The following NIPAL2 variants were observed in gnomAD, a reference collection of about 807,000 sequenced individuals.
NIPAL2 encodes the protein NIPA-like protein 2.
In NIPAL2, 43 loss-of-function variants were observed where a neutral mutation model predicts 48.9. That is an observed-to-expected ratio of 0.88 (90% CI 0.69 to 1.13). The LOEUF (loss-of-function observed/expected upper bound fraction) is 1.13, where lower values mean the gene tolerates loss of function less well. Among genes scored for constraint, NIPAL2 ranks in the 50% most tolerant of loss-of-function variants. The pLI, the probability that NIPAL2 is intolerant of heterozygous loss-of-function variation, is 0.00. For synonymous variants in NIPAL2, 167 were observed against 174.6 expected (o/e 0.96, Z 0.34); for missense variants, 446 against 461.4 (o/e 0.97, Z 0.31).
chr8:98,216,201 G>A (rs1811564899), intron 5 of NIPAL2, among the ~76,000 whole-genome samples: 1 of 152,196 alleles, frequency 6.6e-6, no homozygotes, highest in Non-Finnish European at 1.5e-5. Flanking sequence ...ATTGAGTGAG[G>A]TGTATTGGCC....
rs574541156 is a variant in NIPAL2 at position 98,200,010 on chromosome 8, GTGGCGTGATTATAGCTTAC to G, written c.880+3079_880+3097del. 2.6e-3 allele frequency among the ~76,000 whole-genome samples: 389 copies of G among 152,146 alleles called. 1 individual carries two copies. The highest frequency in any genetic ancestry group is 8.9e-3 in the African/African-American group (369 of 41,498). Reference sequence around the variant, plus strand: ...GCTCCGTCACCCAGGCTGGAGAGTAGTGGCGTGATTATAGCTTACTGTAACCTTGAACTTCTAGGTCAAA... The same window carrying G: ...GCTCCGTCACCCAGGCTGGAGAGTAGTGTAACCTTGAACTTCTAGGTCAAA... On this transcript the variant is annotated intron_variant, in intron 8 of 10. Transcript: ENST00000430223.
In NIPAL2 at chr8:98,191,481, G is replaced by GC. The variant is rs78526214; in HGVS notation, c.*1496dup. 63,142 of 151,952 alleles carry GC rather than the reference G, an allele frequency of 0.42. 13,815 individuals are homozygous for GC. Among genetic ancestry groups the GC allele is most frequent in the East Asian group, 0.59 (3,054 of 5,158 alleles). The allele number at this position is 151,952 out of a possible 1,614,324, so 9.4% of individuals were successfully genotyped here. ...TCAATTCAAATCTCTTTCCTTTGCA[G>GC]CCAGGTTTGGTCAGTCTGGCCAGGA... On this transcript the variant is annotated 3_prime_UTR_variant, in exon 11 of 11. Transcript: ENST00000430223.
intron 8 of NIPAL2, among the ~76,000 whole-genome samples, chr8:98,201,772 A>G (rs1563483594): frequency 6.6e-5 from 10 of 152,246 alleles, no homozygotes; most frequent in Admixed American, 6.5e-4. Context: ...ATACTAAAAA[A>G]TTAGATGTCA....
chr8:98,217,165 C>T, intron 5 of NIPAL2: 5 of 985,466 alleles, frequency 5.1e-6, no homozygotes, highest in Non-Finnish European at 6.0e-6. Context: ...GGCTGGTATA[C>T]ACTGGGCTTC....
chr8:98,288,244 T>G (rs1242203588), intron 1 of NIPAL2, among the ~76,000 whole-genome samples: 1 of 139,562 alleles, frequency 7.2e-6, no homozygotes, highest in Admixed American at 7.9e-5. Context: ...CCTGTGTCCA[T>G]GTGATCTCAT....
At position 98,252,485 on chromosome 8, in the gene NIPAL2, C is replaced by T. The variant is rs763533937; in HGVS notation, c.354G>A (p.Pro118=). The T allele has an allele frequency of 9.9e-6, 16 of 1,612,928 alleles. No individual in the cohort carries two copies. The highest frequency in any genetic ancestry group is 4.5e-5 in the East Asian group (2 of 44,846). ...TACCTGTAACAGACACACAGCCTAA[C>T]GGAGCGATCAGAGTAATGGGAGCAA... ...YGFAPITLIA[P]LGCVSVTGSA... is the part of the protein sequence containing the mutation. Residue 118 remains proline (P), a synonymous_variant, in exon 3 of 11, where the codon CCG becomes CCA. Coordinates refer to ENST00000430223, the MANE Select transcript of NIPAL2 (RefSeq NM_001321635.2).
chr8:98,215,395 A>G (rs746471831), intron 5 of NIPAL2, among the ~76,000 whole-genome samples: 9 of 152,176 alleles, frequency 5.9e-5, no homozygotes, highest in Admixed American at 1.3e-4. Context: ...GAAAACATCA[A>G]TATTAAAGAA....
chr8:98,223,135 C>A lies in NIPAL2; in HGVS notation c.437-535G>T, dbSNP rs1214637735. ...TGGTAATGAGCATCTTTAATCACTG[C>A]CATTTATTGGAGTCCTTTTAGCAGC... On this transcript the variant is annotated intron_variant, in intron 4 of 10. Coordinates refer to ENST00000430223, the MANE Select transcript of NIPAL2 (RefSeq NM_001321635.2). 2.6e-5 allele frequency among the ~76,000 whole-genome samples: 4 copies of A among 152,278 alleles called. No homozygotes were observed. The East Asian group carries it at 7.7e-4, about 29-fold the overall frequency.
At chr8:98,287,955 C>T (rs895682736) in intron 1 of NIPAL2, among the ~76,000 whole-genome samples, 4 of 152,174 alleles carry the variant, frequency 2.6e-5, no homozygotes, top group Non-Finnish European at 4.4e-5. Context: ...ATGAATATGA[C>T]ATACCATTTC....
At chr8:98,262,870 A>G (rs1340233649) in intron 1 of NIPAL2, among the ~76,000 whole-genome samples, 1 of 152,148 alleles carries the variant, frequency 6.6e-6, no homozygotes, top group Non-Finnish European at 1.5e-5. Flanking sequence ...TTGACCACAT[A>G]CTTGGAAGTA....
At chr8:98,218,654 T>G (rs1447766544) in intron 5 of NIPAL2, among the ~76,000 whole-genome samples, 1 of 152,168 alleles carries the variant, frequency 6.6e-6, no homozygotes, top group African/African-American at 2.4e-5. Flanking sequence ...AGTGATACAT[T>G]GAGCAACCAA....
At chr8:98,242,615 A>G (rs1361117673) in intron 3 of NIPAL2, among the ~76,000 whole-genome samples, 3 of 151,118 alleles carry the variant, frequency 2.0e-5, no homozygotes, top group Non-Finnish European at 2.9e-5. Context: ...CCTCCTGAGT[A>G]GCTGGGGCTA....
chr8:98,285,675 A>T (rs1816113188), intron 1 of NIPAL2, among the ~76,000 whole-genome samples: 1 of 152,100 alleles, frequency 6.6e-6, no homozygotes, highest in Non-Finnish European at 1.5e-5. Flanking sequence ...CTTTTACATC[A>T]TCCAAATGGA....
rs1810306673 is a variant in NIPAL2 at position 98,191,568 on chromosome 8, A to G, written c.*1410T>C. On this transcript the variant is annotated 3_prime_UTR_variant, in exon 11 of 11. Coordinates refer to ENST00000430223, the MANE Select transcript of NIPAL2 (RefSeq NM_001321635.2). ...GAGCCATTAAGGTTACAGTCTCAAT[A>G]CCACCGAGTTAAACAACCTATTTAA... The G allele has an allele frequency of 1.3e-5, 2 of 152,206 alleles. No homozygotes were observed. The highest frequency in any genetic ancestry group is 2.4e-5 in the African/African-American group (1 of 41,454). 9.4% of individuals were successfully genotyped at this position (152,206 alleles called of 1,614,324 possible).
chr8:98,218,749 G>A (rs528778488), intron 5 of NIPAL2, among the ~76,000 whole-genome samples: 1 of 152,296 alleles, frequency 6.6e-6, no homozygotes, highest in South Asian at 2.1e-4. Context: ...TCTGAGCCAT[G>A]CCCATGAGGG....
intron 1 of NIPAL2, 143 bp from the exon 2 acceptor site, chr8:98,254,230 T>C: frequency 3.6e-6 from 2 of 554,490 alleles, no homozygotes; most frequent in Non-Finnish European, 6.2e-6. Flanking sequence ...GGGATATTAA[T>C]AGGATTTAAT....
intron 10 of NIPAL2, chr8:98,193,395 T>C: frequency 3.1e-6 from 5 of 1,614,090 alleles, no homozygotes; most frequent in Non-Finnish European, 4.2e-6. Context: ...CTCCAAGCCT[T>C]TCTCTCTGGG....
At position 98,193,286 on chromosome 8, in the gene NIPAL2, T is replaced by A. The variant is rs1810383460; in HGVS notation, c.1040-196A>T. 3 of 1,351,442 alleles carry A rather than the reference T, an allele frequency of 2.2e-6. No individual in the cohort carries two copies. In the East Asian group the frequency reaches 6.9e-5, roughly 31 times the overall value. The allele number at this position is 1,351,442 out of a possible 1,614,324, so 83.7% of individuals were successfully genotyped here. On this transcript the variant is annotated intron_variant, in intron 10 of 10. Transcript: ENST00000430223. ...TCTGTAGCTATGTGATAGCGAATTG[T>A]CTGTGTCAGAGCCACTATCCCCACC...
chr8:98,246,230 C>T (rs998894490), intron 3 of NIPAL2, among the ~76,000 whole-genome samples: 12 of 152,274 alleles, frequency 7.9e-5, no homozygotes, highest in South Asian at 2.1e-4. Flanking sequence ...CTATGACCGT[C>T]GTCTAATGGA....
Sources: gnomAD v4.1 joint callset for allele counts (sites outside exome capture counted in the v4.1 genomes callset) on GRCh38, gnomAD v4.1.1 for gene constraint, MANE v1.5 for transcripts, NCBI Gene and HGNC (gene_info 2026-07-23, HGNC 2026-07-21) for gene names.